FMN1: variants seen among roughly 807,000 people sequenced by gnomAD.
FMN1 encodes formin-1.
FMN1 carries 110 observed loss-of-function variants against 132.4 expected under a neutral mutation model. The observed-to-expected ratio is 0.83, with a 90% CI of 0.71 to 0.97. The LOEUF (loss-of-function observed/expected upper bound fraction) is 0.97. FMN1 is among the 50% of genes least tolerant of loss of function. The pLI, the probability that FMN1 is intolerant of heterozygous loss-of-function variation, is 0.00. For synonymous variants in FMN1, 722 were observed against 651.7 expected (o/e 1.11, Z -1.64); for missense variants, 1,792 against 1,705.3 (o/e 1.05, Z -0.90).
At chr15:32,861,472 G>A (rs2059266682) in intron 16 of FMN1, among the ~76,000 whole-genome samples, 1 of 152,170 alleles carries the variant, frequency 6.6e-6, no homozygotes, top group African/African-American at 2.4e-5. Flanking sequence ...GACTCAGGTG[G>A]GCTGTGGCTT....
intron 17 of FMN1, among the ~76,000 whole-genome samples, chr15:32,839,013 C>T (rs968380591): frequency 6.6e-6 from 1 of 152,112 alleles, no homozygotes; most frequent in Non-Finnish European, 1.5e-5. Context: ...TTTACACAGC[C>T]CAGAGATGGT....
intron 9 of FMN1, among the ~76,000 whole-genome samples, chr15:32,926,539 G>A (rs1162247475): frequency 1.3e-5 from 2 of 152,116 alleles, no homozygotes; most frequent in Non-Finnish European, 2.9e-5. Context: ...TTTTACTCAA[G>A]TACAAAGTTA....
chr15:33,032,892 A>G (rs1166488060), intron 6 of FMN1, among the ~76,000 whole-genome samples: 1 of 152,146 alleles, frequency 6.6e-6, no homozygotes, highest in East Asian at 1.9e-4. Flanking sequence ...ATATGGGAAT[A>G]ATGGTGATTC....
intron 15 of FMN1, among the ~76,000 whole-genome samples, chr15:32,891,033 A>G (rs946415764): frequency 8.5e-5 from 13 of 152,126 alleles, no homozygotes; most frequent in Non-Finnish European, 1.8e-4. Context: ...GCTTTGTTGA[A>G]GATCAGTTGG....
intron 15 of FMN1, 64 bp downstream of exon 15, chr15:32,898,770 T>A (rs2060221258): frequency 4.7e-6 from 5 of 1,064,572 alleles, no homozygotes; most frequent in Non-Finnish European, 5.8e-6. Context: ...CTATCCATCA[T>A]CCAACTTATG....
intron 4 of FMN1, among the ~76,000 whole-genome samples, chr15:33,138,554 T>A (rs554062215): frequency 1.3e-5 from 2 of 152,246 alleles, no homozygotes; most frequent in Admixed American, 1.3e-4. Context: ...TGAATTATCC[T>A]AGCAAACTTT....
At chr15:32,864,470 G>A (rs969910983) in intron 16 of FMN1, among the ~76,000 whole-genome samples, 2 of 152,172 alleles carry the variant, frequency 1.3e-5, no homozygotes, top group Admixed American at 6.6e-5. Flanking sequence ...CCCATATGTG[G>A]AAAATCTATA....
In FMN1 at chr15:33,048,644, A is replaced by AAACAGAAAAAAAACAAAAAC. The variant is rs1555388954; in HGVS notation, c.2161+16312_2161+16313insGTTTTTGTTTTTTTTCTGTT. ...TGGGCAATTTACCAAAAAAAAAAAA[A>AAACAGAAAAAAAACAAAAAC]AAAAACCAACAGTTTAATGGACTTA... On this transcript the variant is annotated intron_variant, in intron 6 of 20. Coordinates refer to ENST00000616417, the MANE Select transcript of FMN1 (RefSeq NM_001277313.2). Among the ~76,000 whole-genome samples the AAACAGAAAAAAAACAAAAAC allele has an allele frequency of 2.3e-5, 2 of 86,920 alleles. 1 individual carries two copies. The highest frequency in any genetic ancestry group is 4.8e-5 in the Non-Finnish European group (2 of 42,100). The allele number at this position is 86,920 out of a possible 152,430, so 57.0% of individuals were successfully genotyped here. A position where few individuals can be genotyped will look rare whatever the true frequency, so the allele number is the denominator to read the frequency against.
At chr15:33,105,252 CAGAATT>C (rs1393638794) in intron 4 of FMN1, among the ~76,000 whole-genome samples, 1 of 152,032 alleles carries the variant, frequency 6.6e-6, no homozygotes, top group Non-Finnish European at 1.5e-5. Context: ...GGTCATCCCT[CAGAATT>C]AGAAACAAAG....
At chr15:32,882,918 G>A (rs2059805510) in intron 16 of FMN1, among the ~76,000 whole-genome samples, 1 of 152,198 alleles carries the variant, frequency 6.6e-6, no homozygotes, top group African/African-American at 2.4e-5. Flanking sequence ...CACTTTCATC[G>A]GAGTGGACAG....
intron 6 of FMN1, among the ~76,000 whole-genome samples, chr15:33,035,604 A>C (rs1219789959): frequency 1.3e-5 from 2 of 152,072 alleles, no homozygotes; most frequent in Admixed American, 1.3e-4. Flanking sequence ...TGGTTGCTCA[A>C]ATGTCAACTT....
chr15:32,982,248 C>G (rs1458846063), intron 7 of FMN1, among the ~76,000 whole-genome samples: 4 of 152,118 alleles, frequency 2.6e-5, no homozygotes, highest in African/African-American at 7.2e-5. Context: ...GAGAAGAAAA[C>G]AGACCAACCT....
chr15:32,968,634 T>C (rs761953313), intron 8 of FMN1, 80 bp downstream of exon 8: 302 of 1,583,400 alleles, frequency 1.9e-4, no homozygotes, highest in Non-Finnish European at 2.4e-4. Flanking sequence ...TATGGAGATA[T>C]TGACCCGGTA....
intron 16 of FMN1, among the ~76,000 whole-genome samples, chr15:32,872,676 G>A (rs1021558721): frequency 6.6e-6 from 1 of 152,196 alleles, no homozygotes; most frequent in African/African-American, 2.4e-5. Context: ...TCCCCTTCCA[G>A]CAGTGCAACA....
chr15:32,804,155 T>G, intron 18 of FMN1, 126 bp downstream of exon 18: 1 of 694,116 alleles, frequency 1.4e-6, no homozygotes, highest in Non-Finnish European at 2.4e-6. Context: ...GGGTATAAAG[T>G]TTCAGTTGGG....
chr15:33,159,416 T>C (rs1964803450), intron 3 of FMN1, among the ~76,000 whole-genome samples: 1 of 152,200 alleles, frequency 6.6e-6, no homozygotes, highest in Admixed American at 6.5e-5. Context: ...CAAACAAATA[T>C]GTCCACAACA....
chr15:33,061,397 G>A (rs1303170192), intron 6 of FMN1, among the ~76,000 whole-genome samples: 4 of 151,908 alleles, frequency 2.6e-5, no homozygotes, highest in South Asian at 2.1e-4. Context: ...TGCCAGGGAA[G>A]ATATTTAGGA....
intron 16 of FMN1, among the ~76,000 whole-genome samples, chr15:32,874,147 G>A (rs2059585095): frequency 6.6e-6 from 1 of 151,138 alleles, no homozygotes; most frequent in Non-Finnish European, 1.5e-5. Flanking sequence ...TTAGCCTCCT[G>A]AGTAGCTTGG....
chr15:33,049,328 T>C (rs112911955), intron 6 of FMN1, among the ~76,000 whole-genome samples: 11 of 152,196 alleles, frequency 7.2e-5, no homozygotes, highest in Admixed American at 7.2e-4. Context: ...AAATGTGACA[T>C]TATCAAACTG....
Sources: allele counts gnomAD v4.1 joint callset (sites outside exome capture counted in the v4.1 genomes callset), GRCh38; gene constraint gnomAD v4.1.1; transcripts MANE v1.5; gene names NCBI Gene and HGNC (gene_info 2026-07-23, HGNC 2026-07-21).